Variants in NELL1 observed in about 807,000 individuals in gnomAD.
NELL1 encodes the protein protein kinase C-binding protein NELL1.
In NELL1, 76 loss-of-function variants were observed where a neutral mutation model predicts 107.4. The ratio of observed to expected loss-of-function variants is 0.71; its 90% CI spans 0.59 to 0.86. The LOEUF (loss-of-function observed/expected upper bound fraction) is 0.86. NELL1 is among the 40% of genes least tolerant of loss of function. The probability of loss-of-function intolerance (pLI) is 0.00; values close to 1 mark genes in which losing one functional copy is unlikely to be tolerated. For synonymous variants in NELL1, 353 were observed against 341.2 expected (o/e 1.03, Z -0.38); for missense variants, 1,024 against 1,005.5 (o/e 1.02, Z -0.25).
intron 15 of NELL1, among the ~76,000 whole-genome samples, chr11:21,420,458 A>C (rs544997241): frequency 1.6e-4 from 24 of 152,286 alleles, no homozygotes; most frequent in African/African-American, 5.1e-4. Context: ...AATGCAAAAC[A>C]TGTCAATAAA....
chr11:21,002,696 T>C (rs1280334787), intron 12 of NELL1, among the ~76,000 whole-genome samples: 1 of 152,162 alleles, frequency 6.6e-6, no homozygotes, highest in Admixed American at 6.5e-5. Context: ...GAGAATTGCC[T>C]CATGTATTGT....
intron 4 of NELL1, among the ~76,000 whole-genome samples, chr11:20,855,857 G>A (rs984385990): frequency 1.3e-4 from 20 of 152,104 alleles, no homozygotes; most frequent in African/African-American, 4.3e-4. Context: ...TGAGCCATGA[G>A]GACTTTTTAA....
chr11:21,290,340 G>C (rs998650419), intron 14 of NELL1, among the ~76,000 whole-genome samples: 2 of 151,762 alleles, frequency 1.3e-5, no homozygotes, highest in Non-Finnish European at 2.9e-5. Flanking sequence ...CCGCACTCCA[G>C]CCTGGGTGAC....
chr11:20,863,441 G>A (rs1434902404), intron 4 of NELL1, among the ~76,000 whole-genome samples: 1 of 131,762 alleles, frequency 7.6e-6, no homozygotes, highest in Non-Finnish European at 1.7e-5. Context: ...GGTGGCTGCT[G>A]GGCGGAGGGG....
At chr11:21,329,212 A>G (rs1365885864) in intron 14 of NELL1, among the ~76,000 whole-genome samples, 1 of 151,978 alleles carries the variant, frequency 6.6e-6, no homozygotes, top group Non-Finnish European at 1.5e-5. Context: ...TAATTTAATC[A>G]TGAGGGCAGT....
intron 12 of NELL1, among the ~76,000 whole-genome samples, chr11:20,966,034 A>T (rs528551976): frequency 6.6e-6 from 1 of 152,320 alleles, no homozygotes; most frequent in Non-Finnish European, 1.5e-5. Flanking sequence ...ATCATGATCT[A>T]CATAGCCCAG....
rs554047683 is a variant in NELL1, at chr11:20,980,427, G to A, written c.1300+19867G>A. Among the ~76,000 whole-genome samples, 3 of 152,222 alleles carry A rather than the reference G, an allele frequency of 2.0e-5. No individual in the cohort carries two copies. The East Asian group carries it at 5.8e-4, about 29-fold the overall frequency. ...TCCCTGTGGTTCTTGAATGTGGTGA[G>A]CTGCAGTTTCCTGATGAATTCTGCA... On this transcript the variant is annotated intron_variant, in intron 12 of 19. Coordinates refer to ENST00000357134, the MANE Select transcript of NELL1 (RefSeq NM_006157.5).
At chr11:21,439,647 C>A (rs1241069001) in intron 15 of NELL1, among the ~76,000 whole-genome samples, 1 of 152,124 alleles carries the variant, frequency 6.6e-6, no homozygotes, top group Non-Finnish European at 1.5e-5. Context: ...TAATACAGTG[C>A]CTTCCTGTAT....
At chr11:20,815,188 C>T (rs374948730) in intron 3 of NELL1, among the ~76,000 whole-genome samples, 20 of 152,138 alleles carry the variant, frequency 1.3e-4, no homozygotes, top group East Asian at 5.8e-4. Context: ...CCTCAGCCTC[C>T]CAAGTAGCTG....
intron 12 of NELL1, among the ~76,000 whole-genome samples, chr11:21,050,714 C>CAG (rs1554962692): frequency 6.6e-6 from 1 of 151,760 alleles, no homozygotes; most frequent in Admixed American, 6.6e-5. Flanking sequence ...AGGGTCACCT[C>CAG]AGCCTCCTAA....
At chr11:21,115,324 TACATCAAACACACACAC>T (rs1218350071) in intron 13 of NELL1, among the ~76,000 whole-genome samples, 1 of 132,926 alleles carries the variant, frequency 7.5e-6, no homozygotes, top group Non-Finnish European at 1.6e-5. Flanking sequence ...AGGAAAAGTC[TACATCAAACACACACAC>T]ACACACACAC....
intron 15 of NELL1, among the ~76,000 whole-genome samples, chr11:21,387,371 T>C (rs962803561): frequency 3.2e-4 from 48 of 151,978 alleles, no homozygotes; most frequent in African/African-American, 1.0e-3. Context: ...CACTTGATGG[T>C]CACCCACCAT....
At chr11:21,239,904 G>A (rs1670640) in intron 14 of NELL1, among the ~76,000 whole-genome samples, 88,287 of 151,770 alleles carry the variant, frequency 0.58, 26,091 homozygotes, top group African/African-American at 0.69. Context: ...TATTTGCTCT[G>A]CTGATAATGT....
At chr11:21,419,076 G>A (rs1356414229) in intron 15 of NELL1, among the ~76,000 whole-genome samples, 2 of 152,064 alleles carry the variant, frequency 1.3e-5, no homozygotes, top group Non-Finnish European at 2.9e-5. Context: ...GCCTGTTTCA[G>A]GAAGTCTGGA....
intron 5 of NELL1, among the ~76,000 whole-genome samples, chr11:20,896,316 A>G (rs1849736430): frequency 6.6e-6 from 1 of 152,112 alleles, no homozygotes; most frequent in African/African-American, 2.4e-5. Context: ...CCATTATTTC[A>G]TTTCCTTTTA....
intron 2 of NELL1, among the ~76,000 whole-genome samples, chr11:20,727,712 G>C (rs1038926931): frequency 2.6e-5 from 4 of 152,140 alleles, no homozygotes; most frequent in African/African-American, 4.8e-5. Context: ...TTTTCTTCTA[G>C]GGTTTTTATG....
intron 17 of NELL1, among the ~76,000 whole-genome samples, chr11:21,567,066 G>A (rs957344083): frequency 1.4e-4 from 22 of 151,818 alleles, no homozygotes; most frequent in African/African-American, 5.1e-4. Context: ...CTGTTGTGCA[G>A]CGACCTTTTC....
intron 12 of NELL1, among the ~76,000 whole-genome samples, chr11:21,001,672 A>G (rs1852224071): frequency 6.6e-6 from 1 of 151,888 alleles, no homozygotes; most frequent in Non-Finnish European, 1.5e-5. Flanking sequence ...AGCAAAATAG[A>G]GAAAATAAGA....
chr11:21,374,364 G>A (rs925064487), intron 15 of NELL1, among the ~76,000 whole-genome samples: 1 of 152,028 alleles, frequency 6.6e-6, no homozygotes, highest in African/African-American at 2.4e-5. Context: ...CACTCATGTG[G>A]CGATTGGCAG....
Sources: allele counts gnomAD v4.1 joint callset (sites outside exome capture counted in the v4.1 genomes callset), GRCh38; gene constraint gnomAD v4.1.1; transcripts MANE v1.5; gene names NCBI Gene and HGNC (gene_info 2026-07-23, HGNC 2026-07-21).